LDAH: variants seen among roughly 807,000 people sequenced by gnomAD.
LDAH encodes lipid droplet-associated hydrolase.
In LDAH, 26 loss-of-function variants were observed where a neutral mutation model predicts 29.6. The ratio of observed to expected loss-of-function variants is 0.88; its 90% confidence interval spans 0.64 to 1.22. The LOEUF (loss-of-function observed/expected upper bound fraction) is 1.22. Ranked by LOEUF, LDAH falls within the 50% of genes most tolerant of loss-of-function variation. The pLI, the probability that LDAH is intolerant of heterozygous loss-of-function variation, is 0.00. For missense variants in LDAH, 344 were observed against 387.3 expected (o/e 0.89, Z 0.94); for synonymous variants, 117 against 133.0 (o/e 0.88, Z 0.83).
At chr2:20,787,224 T>C (rs140210234) in intron 3 of LDAH, among the ~76,000 whole-genome samples, 345 of 152,354 alleles carry the variant, frequency 2.3e-3, no homozygotes, top group Non-Finnish European at 4.2e-3. Flanking sequence ...TGACAATTTG[T>C]CCTGTGACCT....
At chr2:20,701,451 C>G in intron 6 of LDAH, 119 bp downstream of exon 6, 3 of 783,162 alleles carry the variant, frequency 3.8e-6, no homozygotes, top group Non-Finnish European at 6.4e-6. Context: ...GGAAGTAGAA[C>G]TCTATGTCAT....
At chr2:20,727,722 T>C (rs2149412277) in intron 5 of LDAH, among the ~76,000 whole-genome samples, 1 of 152,316 alleles carries the variant, frequency 6.6e-6, no homozygotes, top group East Asian at 1.9e-4. Context: ...GAAAAGCCTA[T>C]TTTTCATGAA....
chr2:20,758,810 T>C (rs1668491996), intron 4 of LDAH, among the ~76,000 whole-genome samples: 1 of 152,074 alleles, frequency 6.6e-6, no homozygotes, highest in Admixed American at 6.6e-5. Context: ...AATATATATC[T>C]AGACAATGAG....
intron 2 of LDAH, among the ~76,000 whole-genome samples, chr2:20,793,882 ACAAAGAAAATCCAGGCC>A (rs1406930583): frequency 6.6e-6 from 1 of 152,208 alleles, no homozygotes; most frequent in Non-Finnish European, 1.5e-5. Flanking sequence ...AAATCTTCCC[ACAAAGAAAATCCAGGCC>A]CACACAGCTT....
At chr2:20,757,637 C>T (rs373633750) in intron 4 of LDAH, among the ~76,000 whole-genome samples, 1 of 152,184 alleles carries the variant, frequency 6.6e-6, no homozygotes. Flanking sequence ...GAGGGTGTTT[C>T]TGGCTGAGAT....
chr2:20,753,539 G>A (rs978608554), intron 4 of LDAH, among the ~76,000 whole-genome samples: 2 of 152,176 alleles, frequency 1.3e-5, no homozygotes, highest in African/African-American at 4.8e-5. Flanking sequence ...TTCGTTTGTT[G>A]GTGGGTATAA....
chr2:20,683,025 T>A (rs1291809736), downstream of LDAH, among the ~76,000 whole-genome samples: 1 of 151,790 alleles, frequency 6.6e-6, no homozygotes, highest in East Asian at 1.9e-4. Context: ...GGCAACCTCA[T>A]CCTCTTCTCT....
intron 3 of LDAH, among the ~76,000 whole-genome samples, chr2:20,775,767 T>A (rs144912289): frequency 1.1e-3 from 173 of 152,336 alleles, no homozygotes; most frequent in Middle Eastern, 0.01. Context: ...GAAAAATTAA[T>A]GAGCTCTCTT....
intron 1 of LDAH, among the ~76,000 whole-genome samples, chr2:20,822,074 G>C (rs1214901133): frequency 1.3e-5 from 2 of 151,768 alleles, no homozygotes; most frequent in Non-Finnish European, 2.9e-5. Flanking sequence ...GGTTTCTTTT[G>C]GTTGTATCTC....
At chr2:20,797,498 C>A (rs892221737) in intron 2 of LDAH, among the ~76,000 whole-genome samples, 2 of 152,096 alleles carry the variant, frequency 1.3e-5, no homozygotes, top group African/African-American at 2.4e-5. Context: ...CCACCTAGGG[C>A]GACCAACTCC....
rs1662530268 is a variant in LDAH at position 20,685,961 on chromosome 2, T to C, written c.*942A>G. ...AAAGAAGCTTTTAAAAATTATTCAC[T>C]AGAAGATTTCCAGAAGAAAAGAATC... is the stretch of plus-strand genomic sequence containing the variant. On this transcript the variant is annotated 3_prime_UTR_variant, in exon 7 of 7. Transcript: ENST00000237822. The C allele has an allele frequency of 4.2e-6, 1 of 239,096 alleles. No homozygotes were observed. The highest frequency in any genetic ancestry group is 2.3e-5 in the African/African-American group (1 of 44,288). 14.8% of individuals were successfully genotyped at this position (239,096 alleles called of 1,614,324 possible).
chr2:20,710,606 GTA>G (rs1467339981), intron 5 of LDAH, among the ~76,000 whole-genome samples: 3 of 131,856 alleles, frequency 2.3e-5, no homozygotes, highest in East Asian at 2.3e-4. Context: ...GTGTGTGTGT[GTA>G]TATATATATA....
chr2:20,704,809 G>A (rs183660869), intron 5 of LDAH, among the ~76,000 whole-genome samples: 1 of 152,190 alleles, frequency 6.6e-6, no homozygotes. Context: ...TTTCTCATGA[G>A]TAGACAATGA....
At chr2:20,765,637 G>A (rs187851849) in intron 4 of LDAH, among the ~76,000 whole-genome samples, 1 of 152,246 alleles carries the variant, frequency 6.6e-6, no homozygotes, top group East Asian at 1.9e-4. Flanking sequence ...GTCACTCATT[G>A]GGCTGCATTC....
At chr2:20,805,378 C>G (rs1209732318) in intron 1 of LDAH, among the ~76,000 whole-genome samples, 4 of 152,262 alleles carry the variant, frequency 2.6e-5, no homozygotes, top group South Asian at 4.1e-4. Flanking sequence ...TTACTTCACT[C>G]TCGTATTTCT....
chr2:20,792,678 T>A (rs1158472205), intron 2 of LDAH, among the ~76,000 whole-genome samples: 1 of 152,148 alleles, frequency 6.6e-6, no homozygotes, highest in Non-Finnish European at 1.5e-5. Flanking sequence ...CCACAGCTAT[T>A]ATAACAATTA....
intron 5 of LDAH, among the ~76,000 whole-genome samples, chr2:20,706,209 G>A (rs2164723): frequency 1.3e-5 from 2 of 152,080 alleles, no homozygotes; most frequent in African/African-American, 2.4e-5. Context: ...ATATTAGTGG[G>A]GGCTTAGGAG....
At chr2:20,713,423 T>A (rs1664916835) in intron 5 of LDAH, among the ~76,000 whole-genome samples, 1 of 152,212 alleles carries the variant, frequency 6.6e-6, no homozygotes, top group Admixed American at 6.5e-5. Context: ...TACCAGCCAC[T>A]GCAAAAATAT....
chr2:20,688,160 T>C (rs543209907), intron 6 of LDAH, among the ~76,000 whole-genome samples: 10 of 152,284 alleles, frequency 6.6e-5, no homozygotes, highest in African/African-American at 1.9e-4. Flanking sequence ...ACCCCATGTA[T>C]ACAAGACAAT....
Sources: gnomAD v4.1 joint callset for allele counts (sites outside exome capture counted in the v4.1 genomes callset) on GRCh38, gnomAD v4.1.1 for gene constraint, MANE v1.5 for transcripts, NCBI Gene and HGNC (gene_info 2026-07-23, HGNC 2026-07-21) for gene names.